TBRG4: variants seen among roughly 807,000 people sequenced by gnomAD.
TBRG4 encodes FAST kinase domain-containing protein 4.
A neutral mutation model predicts 65.6 loss-of-function variants in TBRG4; 43 were observed. The observed-to-expected ratio is 0.66, with a 90% CI of 0.51 to 0.85. The LOEUF (loss-of-function observed/expected upper bound fraction) is 0.85, where lower values mean the gene tolerates loss of function less well. Among genes scored for constraint, TBRG4 ranks in the 40% least tolerant of loss-of-function variants. TBRG4 has a pLI of 0.00. For missense variants in TBRG4, 709 were observed against 787.9 expected (o/e 0.90, Z 1.20); for synonymous variants, 366 against 341.4 (o/e 1.07, Z -0.79).
In TBRG4 at chr7:45,108,995, C is replaced by T; in HGVS notation, c.243G>A (p.Arg81=). The change falls in exon 2 of 11, where the codon AGG becomes AGA. Residue 81 remains arginine, a synonymous_variant. Coordinates refer to ENST00000258770, the MANE Select transcript of TBRG4 (RefSeq NM_004749.4). The stretch of plus-strand genomic sequence containing the variant: ...CAAGTAGCTCCAGGAGCTCCTCTGG[C>T]CTTGTGGCCTTCTTGATGAGGTGGT... ...QVDHLIKKAT[R]PEELLELLGG... The T allele has an allele frequency of 6.2e-7, 1 of 1,611,576 alleles. No homozygotes were observed.
At position 45,109,970 on chromosome 7, in the gene TBRG4, CAAA is replaced by C. The variant is rs11311938; in HGVS notation, c.-50-686_-50-684del. 3.0e-3 allele frequency among the ~76,000 whole-genome samples: 323 copies of C among 107,858 alleles called. 5 individuals are homozygous for C. The highest frequency in any genetic ancestry group is 0.011 in the African/African-American group (305 of 27,130). The allele number at this position is 107,858 out of a possible 152,430, so 70.8% of individuals were successfully genotyped here. A position where few individuals can be genotyped will look rare whatever the true frequency, so the allele number is the denominator to read the frequency against. On this transcript the variant is annotated intron_variant, in intron 1 of 10. Coordinates refer to ENST00000258770, the MANE Select transcript of TBRG4 (RefSeq NM_004749.4). ...CCAGCCTGGGTGAGAGACTCCATCT[CAAA>C]AAAAAAAAAAAAAAAAAATTCACAT...
Position 45,102,017 on chromosome 7 carries a change from C to T in TBRG4, c.1375G>A (p.Ala459Thr), listed in dbSNP as rs762579832. The T allele has an allele frequency of 9.6e-6, 15 of 1,565,824 alleles. No individual in the cohort carries two copies. The Admixed American group carries it at 1.3e-4, about 13-fold the overall frequency. ...TCGGGGTACTCCAGCAGGGCAGTGG[C>T]GTTGATGTGGAGCAGCTTCTGGAAG... ...NTFQKLLHIN[A>T]TALLEYPEYS... Residue 459 changes from alanine to threonine, a missense_variant, in exon 8 of 11, where the codon GCC becomes ACC. Physicochemically the swap from Ala to Thr is moderately conservative, Grantham distance 58. Coordinates refer to ENST00000258770, the MANE Select transcript of TBRG4 (RefSeq NM_004749.4).
At position 45,101,603 on chromosome 7, in the gene TBRG4, G is replaced by A. The variant is rs368230316; in HGVS notation, c.1579C>T (p.Leu527=). The A allele has an allele frequency of 8.7e-6, 14 of 1,613,320 alleles. No homozygotes were observed. In the African/African-American group the frequency reaches 1.5e-4, roughly 17 times the overall value. The change falls in exon 9 of 11, where the codon CTG becomes TTG. Residue 527 remains leucine, a synonymous_variant. Transcript: ENST00000258770. ...QYGWVLDAEV[L]LDSDGEFLPV... ...AGAAACTCGCCGTCACTGTCCAGCAGCACCTCAGCATCTGGGGAAGGGGTG... is the reference window on the plus strand; with the variant it reads ...AGAAACTCGCCGTCACTGTCCAGCAACACCTCAGCATCTGGGGAAGGGGTG...
Position 45,100,391 on chromosome 7 carries a change from T to C in TBRG4, c.1830A>G (p.Glu610=). Residue 610 remains glutamate, a synonymous_variant, in exon 11 of 11, where the codon GAA becomes GAG. Transcript: ENST00000258770. The part of the protein sequence containing the change: ...PFYEWLELKS[E]WQKGAYLKDK... ...CCTTGAGGTAGGCGCCTTTCTGCCA[T>C]TCAGACTTGAGTTCCAGCCACTCAT... is the stretch of plus-strand genomic sequence containing the variant. The C allele has an allele frequency of 3.1e-6, 5 of 1,614,146 alleles. No individual in the cohort carries two copies. The highest frequency in any genetic ancestry group is 3.4e-6 in the Non-Finnish European group (4 of 1,180,018).
intron 3 of TBRG4, 190 bp from the exon 4 acceptor site, chr7:45,104,899 C>A (rs770056741): frequency 2.1e-6 from 2 of 940,896 alleles, no homozygotes; most frequent in Non-Finnish European, 1.7e-6. Context: ...AACCCCTGGA[C>A]CTGGAGCACT....
At chr7:45,103,525 G>T in intron 5 of TBRG4, 82 bp from the exon 6 acceptor site, 2 of 1,153,466 alleles carry the variant, frequency 1.7e-6, no homozygotes, top group South Asian at 1.3e-5. Context: ...TGAGTCTGAG[G>T]AGAGCCTGCA....
In TBRG4 at chr7:45,109,151, C is replaced by T; in HGVS notation, c.87G>A (p.Leu29=). The T allele has an allele frequency of 6.2e-7, 1 of 1,614,136 alleles. No individual in the cohort carries two copies. Among genetic ancestry groups the T allele is most frequent in the Non-Finnish European group, 8.5e-7 (1 of 1,180,002 alleles). ...QAPAMAPVGR[L]RLAWVAHKTL... ...TCTTATGGGCTACCCAGGCAAGTCT[C>T]AGTCGGCCAACTGGAGCCATGGCAG... Residue 29 remains leucine (L), a synonymous_variant, in exon 2 of 11, where the codon CTG becomes CTA. Coordinates refer to ENST00000258770, the MANE Select transcript of TBRG4 (RefSeq NM_004749.4).
intron 6 of TBRG4, 56 bp downstream of exon 6, chr7:45,103,277 A>G: frequency 7.1e-7 from 1 of 1,418,366 alleles, no homozygotes; most frequent in East Asian, 2.4e-5. Context: ...ACGGTTCATG[A>G]GCCATTAGCT....
At chr7:45,104,378 C>T in intron 4 of TBRG4, 122 bp from the exon 5 acceptor site, 1 of 1,574,972 alleles carries the variant, frequency 6.3e-7, no homozygotes, top group South Asian at 1.1e-5. Context: ...TATCCCTGAG[C>T]CTGGGACACA....
chr7:45,108,819 G>A lies in TBRG4; in HGVS notation c.411+8C>T. ...GTCTATGCTCTCAGACCACACTCCG[G>A]CACCCACCTGACTGTTGAGCAGACA... On this transcript the variant is annotated splice_region_variant and intron_variant, in intron 2 of 10. Transcript: ENST00000258770. 6.6e-7 allele frequency: 1 copy of A among 1,524,390 alleles called. No individual in the cohort carries two copies. Among genetic ancestry groups the A allele is most frequent in the Non-Finnish European group, 8.8e-7 (1 of 1,139,052 alleles). 94.4% of individuals were successfully genotyped at this position (1,524,390 alleles called of 1,614,324 possible).
Position 45,103,495 on chromosome 7 carries a change from G to A in TBRG4, c.1066-52C>T, listed in dbSNP as rs780245838. The stretch of plus-strand genomic sequence containing the variant: ...ACAGAATAAGCTCTCTGCCCAGCAC[G>A]CTGTCCTCCTGCCTGGCTCTGAGTC... On this transcript the variant is annotated intron_variant, in intron 5 of 10. Coordinates refer to ENST00000258770, the MANE Select transcript of TBRG4 (RefSeq NM_004749.4). The A allele has an allele frequency of 2.1e-4, 289 of 1,378,154 alleles. 1 individual carries two copies. The highest frequency in any genetic ancestry group is 6.7e-4 in the South Asian group (54 of 80,722). The allele number at this position is 1,378,154 out of a possible 1,614,324, so 85.4% of individuals were successfully genotyped here. A position where few individuals can be genotyped will look rare whatever the true frequency, so the allele number is the denominator to read the frequency against.
At position 45,105,710 on chromosome 7, in the gene TBRG4, G is replaced by C. The variant is rs532222393; in HGVS notation, c.466C>G (p.Leu156Val). The C allele has an allele frequency of 6.2e-7, 1 of 1,613,956 alleles. No individual in the cohort carries two copies. Among genetic ancestry groups the C allele is most frequent in the African/African-American group, 1.3e-5 (1 of 75,070 alleles). ...LSKLLGSLYA[L>V]GIPKASKELQ... ...TCCTTGGAGGCCTTGGGGATGCCCA[G>C]AGCATACAGGCTTCCCAGCAGCTTC... The change falls in exon 3 of 11, where the codon CTG becomes GTG. Residue 156 changes from leucine (L) to valine (V), a missense_variant. By Grantham distance (32) the Leu-to-Val change is conservative. Coordinates refer to ENST00000258770, the MANE Select transcript of TBRG4 (RefSeq NM_004749.4).
At chr7:45,106,033 T>G in intron 2 of TBRG4, 1 of 676,704 alleles carries the variant, frequency 1.5e-6, no homozygotes, top group Non-Finnish European at 2.8e-6. Context: ...AGTCACTGTT[T>G]CTGTGGCAGT....
chr7:45,105,827 G>A (rs1584031684), intron 2 of TBRG4, 63 bp from the exon 3 acceptor site: 2 of 1,534,996 alleles, frequency 1.3e-6, no homozygotes, highest in East Asian at 4.5e-5. Flanking sequence ...GTGAGCTGGA[G>A]GCTACCTCTC....
At chr7:45,103,593 GAGA>G in intron 5 of TBRG4, 150 bp from the exon 6 acceptor site, 4 of 644,180 alleles carry the variant, frequency 6.2e-6, no homozygotes, top group Non-Finnish European at 5.5e-6. Context: ...GTCGGGAACA[GAGA>G]AGGACTTACA....
intron 6 of TBRG4, chr7:45,103,018 C>A (rs923036756): frequency 3.9e-5 from 17 of 432,708 alleles, no homozygotes; most frequent in Non-Finnish European, 1.7e-5. Flanking sequence ...AAGGCTCCCC[C>A]TCCTGCCCTG....
Position 45,101,387 on chromosome 7 carries a change from A to C in TBRG4, c.1680-15T>G, listed in dbSNP as rs770927316. 62 of 1,613,308 alleles carry C rather than the reference A, an allele frequency of 3.8e-5. No homozygotes were observed. The highest frequency in any genetic ancestry group is 4.8e-5 in the Non-Finnish European group (57 of 1,179,590). ...AGAACGCTAGCCTGGAAGGAAGAAG[A>C]GGTGGCTGACATGCTTCCACTCTCC... On this transcript the variant is annotated splice_polypyrimidine_tract_variant and intron_variant, in intron 9 of 10. Coordinates refer to ENST00000258770, the MANE Select transcript of TBRG4 (RefSeq NM_004749.4).
chr7:45,101,692 T>C (rs1188306394), intron 8 of TBRG4, 78 bp from the exon 9 acceptor site: 1 of 1,595,622 alleles, frequency 6.3e-7, no homozygotes, highest in Non-Finnish European at 8.5e-7. Context: ...TGAACAAAGA[T>C]GGGACTGTGG....
chr7:45,102,168 C>A, intron 7 of TBRG4, 98 bp from the exon 8 acceptor site: 1 of 1,529,558 alleles, frequency 6.5e-7, no homozygotes, highest in Non-Finnish European at 8.8e-7. Flanking sequence ...AGTCCCAGCC[C>A]AGTTTTCTGG....
Sources: gnomAD v4.1 joint callset for allele counts (sites outside exome capture counted in the v4.1 genomes callset) on GRCh38, gnomAD v4.1.1 for gene constraint, MANE v1.5 for transcripts, NCBI Gene and HGNC (gene_info 2026-07-23, HGNC 2026-07-21) for gene names.